ACTMAP: variants seen among roughly 807,000 people sequenced by gnomAD.
The protein encoded by ACTMAP is actin maturation protease.
At chr19:40,741,077 G>GA in the ACTMAP span, 1 of 398,680 alleles carries the variant, frequency 2.5e-6, no homozygotes, top group Admixed American at 4.4e-5. Context: ...TGGGATGGGG[G>GA]ATGCACAGAC....
At chr19:40,742,798 G>A in the ACTMAP span, 10 of 1,577,060 alleles carry the variant, frequency 6.3e-6, no homozygotes, top group Admixed American at 9.1e-5. Context: ...GTGGTGAGTG[G>A]CAGTGACTGA....
At chr19:40,749,488 T>C in the ACTMAP span, 2 of 1,546,184 alleles carry the variant, frequency 1.3e-6, no homozygotes, top group African/African-American at 1.4e-5. Flanking sequence ...TACCGGTCCT[T>C]GTGTAGTTTC....
chr19:40,743,541 T>G, the ACTMAP span, among the ~76,000 whole-genome samples: 4,555 of 152,192 alleles, frequency 0.03, 97 homozygotes, highest in Middle Eastern at 0.11. Context: ...CCAAGCCTTG[T>G]TCTAAGAGTG....
chr19:40,744,518 C>A, the ACTMAP span: 12 of 1,608,810 alleles, frequency 7.5e-6, no homozygotes, highest in Non-Finnish European at 1.0e-5. Context: ...CTGGTCCCAG[C>A]CTCATGAAGA....
the ACTMAP span, chr19:40,744,686 G>C: frequency 2.5e-6 from 4 of 1,605,462 alleles, no homozygotes; most frequent in Non-Finnish European, 3.4e-6. Context: ...GCCCGCATCT[G>C]GGGACAGAGA....
At chr19:40,745,633 G>A in the ACTMAP span, among the ~76,000 whole-genome samples, 2 of 152,144 alleles carry the variant, frequency 1.3e-5, no homozygotes, top group African/African-American at 4.8e-5. Context: ...CTGAGTAGCT[G>A]GGAGTATAGG....
At chr19:40,744,110 G>A in the ACTMAP span, 1 of 1,613,682 alleles carries the variant, frequency 6.2e-7, no homozygotes, top group Non-Finnish European at 8.5e-7. Flanking sequence ...TGCAGGACGA[G>A]GTCTCTGTTG....
the ACTMAP span, among the ~76,000 whole-genome samples, chr19:40,745,643 G>C: frequency 1.3e-5 from 2 of 152,116 alleles, no homozygotes; most frequent in Non-Finnish European, 2.9e-5. Flanking sequence ...GGGAGTATAG[G>C]CATGCACCAC....
chr19:40,747,439 G>A, the ACTMAP span, among the ~76,000 whole-genome samples: 9 of 152,138 alleles, frequency 5.9e-5, no homozygotes, highest in African/African-American at 4.8e-5. Flanking sequence ...TCAGGAGGCC[G>A]AGGCAGAAGA....
the ACTMAP span, chr19:40,745,203 A>G: frequency 1.9e-6 from 3 of 1,551,788 alleles, no homozygotes; most frequent in Non-Finnish European, 2.6e-6. Context: ...CGGAACCTGA[A>G]GCAGAGCCGT....
chr19:40,744,435 G>A, the ACTMAP span: 1 of 1,483,216 alleles, frequency 6.7e-7, no homozygotes. Context: ...CTGCTCTACT[G>A]GGCAGTGGGA....
chr19:40,742,125 T>G, the ACTMAP span: 1 of 572,052 alleles, frequency 1.7e-6, no homozygotes, highest in Non-Finnish European at 3.3e-6. Flanking sequence ...GTCCCTGTCC[T>G]GTGAGAAGCA....
the ACTMAP span, chr19:40,749,411 C>CA: frequency 1.3e-5 from 19 of 1,426,198 alleles, no homozygotes; most frequent in Admixed American, 2.5e-5. Flanking sequence ...GGAACCCCCC[C>CA]CCCACCCCAA....
At chr19:40,744,120 G>A in the ACTMAP span, 1 of 1,613,334 alleles carries the variant, frequency 6.2e-7, no homozygotes. Context: ...GGTCTCTGTT[G>A]GGACCGCCCA....
chr19:40,748,608 C>T, the ACTMAP span, among the ~76,000 whole-genome samples: 2 of 152,164 alleles, frequency 1.3e-5, no homozygotes, highest in South Asian at 4.1e-4. Context: ...CTCTCCAGGG[C>T]TCCCCCGTGC....
the ACTMAP span, chr19:40,749,920 T>G: frequency 1.2e-6 from 1 of 833,694 alleles, no homozygotes; most frequent in Non-Finnish European, 1.8e-6. Flanking sequence ...TTCCAGAATC[T>G]GGGGACTGAG....
the ACTMAP span, among the ~76,000 whole-genome samples, chr19:40,747,390 T>C: frequency 2.0e-5 from 3 of 151,610 alleles, no homozygotes; most frequent in African/African-American, 7.3e-5. Context: ...TACAAAAAAT[T>C]AGCCAGGCGT....
At chr19:40,744,193 GC>G in the ACTMAP span, 1 of 1,574,846 alleles carries the variant, frequency 6.3e-7, no homozygotes, top group South Asian at 1.2e-5. Context: ...GCCCATATCG[GC>G]CACTGCAGGG....
At chr19:40,741,251 G>A in the ACTMAP span, 3 of 347,026 alleles carry the variant, frequency 8.6e-6, no homozygotes, top group Non-Finnish European at 1.6e-5. Context: ...AGACCAGCCT[G>A]GCCAACATGG....
Sources: gnomAD v4.1 joint callset for allele counts (sites outside exome capture counted in the v4.1 genomes callset) on GRCh38, gnomAD v4.1.1 for gene constraint, MANE v1.5 for transcripts, NCBI Gene and HGNC (gene_info 2026-07-23, HGNC 2026-07-21) for gene names.